Variants in ADAMTSL1 observed in about 807,000 individuals in gnomAD.
ADAMTSL1 encodes ADAMTS-like protein 1.
Under a neutral mutation model 201.8 loss-of-function variants are expected in ADAMTSL1, and 126 were observed. The ratio of observed to expected loss-of-function variants is 0.62; its 90% confidence interval spans 0.54 to 0.72. The LOEUF is 0.72. Among genes scored for constraint, ADAMTSL1 ranks in the 30% least tolerant of loss-of-function variants. The pLI is 0.00. For missense variants in ADAMTSL1, 2,679 were observed against 2,277.8 expected (o/e 1.18, Z -3.59); for synonymous variants, 1,121 against 903.4 (o/e 1.24, Z -4.32).
At chr9:18,152,567 A>C (rs923852940) in intron 1 of ADAMTSL1, among the ~76,000 whole-genome samples, 1 of 151,664 alleles carries the variant, frequency 6.6e-6, no homozygotes, top group African/African-American at 2.4e-5. Flanking sequence ...GCCCAGGAGG[A>C]CCCCCCAAAT....
chr9:18,034,655 T>C (rs1478634833), intron 1 of ADAMTSL1, among the ~76,000 whole-genome samples: 1 of 152,184 alleles, frequency 6.6e-6, no homozygotes. Context: ...TATCATTAAG[T>C]CCTAATAGTT....
chr9:18,753,475 C>A lies in ADAMTSL1; in HGVS notation c.2184C>A (p.Cys728Ter). ...TGCAAGCTTGTAACCGCTTTAATTGCCCCCCAGCCTGGTACCCTGCACAGT... is the reference window on the plus strand; with the variant it reads ...TGCAAGCTTGTAACCGCTTTAATTGACCCCCAGCCTGGTACCCTGCACAGT... ...STVQACNRFN[C>*]PPAWYPAQWQ... is the part of the protein sequence containing the mutation. Residue 728 changes from cysteine (C) to a stop codon, truncating the protein, a stop_gained, in exon 16 of 29, where the codon TGC becomes TGA. Transcript: ENST00000380548. LOFTEE classifies it high-confidence loss of function. The A allele has an allele frequency of 1.2e-6, 2 of 1,612,712 alleles. No homozygotes were observed. Among genetic ancestry groups the A allele is most frequent in the Non-Finnish European group, 1.7e-6 (2 of 1,179,632 alleles).
intron 1 of ADAMTSL1, among the ~76,000 whole-genome samples, chr9:17,945,142 A>G (rs1311097879): frequency 7.6e-6 from 1 of 131,060 alleles, no homozygotes; most frequent in Non-Finnish European, 1.6e-5. Context: ...AACCCCATCA[A>G]AAAGTGGGCA....
intron 1 of ADAMTSL1, among the ~76,000 whole-genome samples, chr9:17,964,719 G>T (rs936273695): frequency 6.6e-6 from 1 of 152,166 alleles, no homozygotes; most frequent in Non-Finnish European, 1.5e-5. Context: ...TGGGGAAAGG[G>T]CACATGGGAT....
At chr9:18,269,821 CAG>C (rs934258630) in intron 2 of ADAMTSL1, among the ~76,000 whole-genome samples, 3 of 147,766 alleles carry the variant, frequency 2.0e-5, no homozygotes, top group Non-Finnish European at 4.5e-5. Context: ...GGAAACTCTG[CAG>C]AGAGTTTGTT....
chr9:18,479,318 A>G (rs1412178312), intron 1 of ADAMTSL1, among the ~76,000 whole-genome samples: 1 of 152,214 alleles, frequency 6.6e-6, no homozygotes, highest in Non-Finnish European at 1.5e-5. Context: ...CAGTGACCTC[A>G]GGCTTTTTGT....
At chr9:18,640,614 C>G (rs908219921) in intron 7 of ADAMTSL1, among the ~76,000 whole-genome samples, 2 of 151,980 alleles carry the variant, frequency 1.3e-5, no homozygotes, top group African/African-American at 4.8e-5. Flanking sequence ...GCCCGACATG[C>G]GTAAGTTTAA....
chr9:18,817,329 A>C (rs906130219), intron 21 of ADAMTSL1, 92 bp downstream of exon 21: 7 of 1,324,280 alleles, frequency 5.3e-6, no homozygotes, highest in African/African-American at 1.5e-5. Context: ...TTCTACTCTC[A>C]GGGATATAGT....
intron 2 of ADAMTSL1, among the ~76,000 whole-genome samples, chr9:18,243,594 C>T (rs947597533): frequency 2.6e-5 from 4 of 152,044 alleles, no homozygotes; most frequent in Non-Finnish European, 5.9e-5. Context: ...TTCATCCTGC[C>T]TTTCCCTCAT....
At chr9:18,898,133 G>C (rs1829771940) in intron 26 of ADAMTSL1, among the ~76,000 whole-genome samples, 1 of 152,144 alleles carries the variant, frequency 6.6e-6, no homozygotes, top group African/African-American at 2.4e-5. Flanking sequence ...AGGTTGCAGT[G>C]AGCTGAGATC....
chr9:18,434,347 C>T (rs1218743792), intron 2 of ADAMTSL1, among the ~76,000 whole-genome samples: 16 of 152,124 alleles, frequency 1.1e-4, no homozygotes, highest in Admixed American at 1.0e-3. Context: ...TTCTGTCTCA[C>T]CTCCCAACCA....
chr9:18,121,007 AT>A (rs72138082), intron 1 of ADAMTSL1, among the ~76,000 whole-genome samples: 3,044 of 152,010 alleles, frequency 0.02, 89 homozygotes, highest in African/African-American at 0.065. Context: ...GCTTTTATTT[AT>A]TTTTTTTCCC....
chr9:18,776,552 G>T (rs1549984), intron 18 of ADAMTSL1, among the ~76,000 whole-genome samples: 24,943 of 152,128 alleles, frequency 0.16, 2,288 homozygotes, highest in Middle Eastern at 0.26. Context: ...CAGCTTGATG[G>T]TCCACAGCCG....
intron 1 of ADAMTSL1, among the ~76,000 whole-genome samples, chr9:18,074,587 G>T (rs10963432): frequency 0.1 from 5,535 of 54,120 alleles, 328 homozygotes; most frequent in East Asian, 0.45. Flanking sequence ...TTCTTTTTTT[G>T]TTGTTGTTGT....
chr9:18,454,391 C>A (rs1408604120), intron 2 of ADAMTSL1, among the ~76,000 whole-genome samples: 1 of 152,140 alleles, frequency 6.6e-6, no homozygotes, highest in African/African-American at 2.4e-5. Flanking sequence ...GAGGGCAGAT[C>A]TTCCCCACTC....
chr9:17,934,145 C>A (rs993629774), intron 1 of ADAMTSL1, among the ~76,000 whole-genome samples: 4 of 152,160 alleles, frequency 2.6e-5, no homozygotes, highest in African/African-American at 9.6e-5. Context: ...TGAAACTAAT[C>A]AAGAAGCTGT....
At chr9:18,570,633 T>C (rs1822236718) in intron 3 of ADAMTSL1, among the ~76,000 whole-genome samples, 1 of 152,238 alleles carries the variant, frequency 6.6e-6, no homozygotes, top group Non-Finnish European at 1.5e-5. Flanking sequence ...TCTGAACCTG[T>C]TTTATAAGTT....
At chr9:18,420,801 A>G (rs1818910829) in intron 2 of ADAMTSL1, among the ~76,000 whole-genome samples, 1 of 152,204 alleles carries the variant, frequency 6.6e-6, no homozygotes, top group African/African-American at 2.4e-5. Flanking sequence ...GGTGCTTAAA[A>G]TTAAAAGGAC....
intron 2 of ADAMTSL1, among the ~76,000 whole-genome samples, chr9:18,289,237 A>G (rs931538126): frequency 6.6e-6 from 1 of 152,072 alleles, no homozygotes; most frequent in African/African-American, 2.4e-5. Flanking sequence ...GCCTTGGCTC[A>G]CATTATTTAT....
Sources: gnomAD v4.1 joint callset for allele counts (sites outside exome capture counted in the v4.1 genomes callset) on GRCh38, gnomAD v4.1.1 for gene constraint, MANE v1.5 for transcripts, NCBI Gene and HGNC (gene_info 2026-07-23, HGNC 2026-07-21) for gene names.